Variants in SDK1 observed in about 807,000 individuals in gnomAD.
The protein encoded by SDK1 is sidekick cell adhesion molecule 1, also known as protein sidekick-1.
In SDK1, 157 loss-of-function variants were observed where a neutral mutation model predicts 245.5. The ratio of observed to expected loss-of-function variants is 0.64; its 90% CI spans 0.56 to 0.73. The LOEUF (loss-of-function observed/expected upper bound fraction) is 0.73, where lower values mean the gene tolerates loss of function less well. Ranked by LOEUF, SDK1 falls within the 30% of genes least tolerant of loss-of-function variation. SDK1 has a pLI of 0.00. For synonymous variants in SDK1, 1,647 were observed against 1,278.5 expected, an observed-to-expected ratio of 1.29 and a Z score of -6.15; for missense variants, 3,583 against 3,002.3, an observed-to-expected ratio of 1.19 and a Z score of -4.52.
At chr7:4,208,347 G>GCTCAGGTCCCCCT (rs1784345917) in intron 37 of SDK1, 62 bp downstream of exon 37, 2 of 1,490,954 alleles carry the variant, frequency 1.3e-6, no homozygotes, top group Admixed American at 3.7e-5. Flanking sequence ...GAGAGCGCCA[G>GCTCAGGTCCCCCT]CTCAGGTCCC....
intron 13 of SDK1, among the ~76,000 whole-genome samples, chr7:3,985,231 C>G (rs1783731292): frequency 6.6e-6 from 1 of 152,260 alleles, no homozygotes; most frequent in African/African-American, 2.4e-5. Context: ...GTCCCAGTCA[C>G]TCAGGAAACT....
chr7:4,199,781 G>A (rs965277493), intron 35 of SDK1, among the ~76,000 whole-genome samples: 2 of 152,076 alleles, frequency 1.3e-5, no homozygotes, highest in African/African-American at 2.4e-5. Context: ...ACATCCCTGT[G>A]CTCAGTCAGA....
Position 4,128,154 on chromosome 7 carries a change from C to T in SDK1, c.3939+658C>T, listed in dbSNP as rs555644569. ...CCATCTGCTCCTTGGCTCAGCAATG[C>T]CAAGCATCAGAATGAGCTGTTTCGG... is the stretch of plus-strand genomic sequence containing the variant. On this transcript the variant is annotated intron_variant, in intron 26 of 44. Transcript: ENST00000404826. Among the ~76,000 whole-genome samples, 87 of 152,320 alleles carry T rather than the reference C, an allele frequency of 5.7e-4. 2 individuals are homozygous for T. The Middle Eastern group carries it at 0.031, about 54-fold the overall frequency.
intron 30 of SDK1, among the ~76,000 whole-genome samples, chr7:4,155,842 G>C (rs543276690): frequency 2.0e-5 from 3 of 152,250 alleles, no homozygotes; most frequent in South Asian, 4.2e-4. Context: ...CTCGGTCCCT[G>C]TCCTTGTGGA....
chr7:4,174,765 G>T (rs114346397), intron 33 of SDK1, among the ~76,000 whole-genome samples: 16 of 152,264 alleles, frequency 1.1e-4, no homozygotes, highest in African/African-American at 3.4e-4. Context: ...GGAGCCCATG[G>T]TGCTCACCCC....
chr7:3,483,638 C>G (rs944260339), intron 1 of SDK1, among the ~76,000 whole-genome samples: 1 of 152,076 alleles, frequency 6.6e-6, no homozygotes, highest in African/African-American at 2.4e-5. Context: ...TTAATGGATG[C>G]TTCTAATATT....
At chr7:3,906,399 T>TGTGTGTGAGA (rs373402283) in intron 5 of SDK1, among the ~76,000 whole-genome samples, 52 of 150,024 alleles carry the variant, frequency 3.5e-4, no homozygotes, top group African/African-American at 9.3e-4. Context: ...TGTGTGTGTG[T>TGTGTGTGAGA]GAGAGAGAGA....
chr7:3,612,267 G>T (rs1217726367), intron 1 of SDK1, among the ~76,000 whole-genome samples: 1 of 152,100 alleles, frequency 6.6e-6, no homozygotes, highest in Non-Finnish European at 1.5e-5. Context: ...CCTATCATAG[G>T]ATCCTCTTAC....
At chr7:4,104,361 T>G (rs1385687860) in intron 22 of SDK1, among the ~76,000 whole-genome samples, 1 of 152,206 alleles carries the variant, frequency 6.6e-6, no homozygotes, top group Non-Finnish European at 1.5e-5. Context: ...GAACCTGGCC[T>G]AGAGCCTGCT....
chr7:3,518,790 A>G (rs1264004525), intron 1 of SDK1, among the ~76,000 whole-genome samples: 2 of 152,214 alleles, frequency 1.3e-5, no homozygotes, highest in Non-Finnish European at 2.9e-5. Flanking sequence ...CAATCCCACT[A>G]CTGGGCATTT....
intron 5 of SDK1, among the ~76,000 whole-genome samples, chr7:3,822,303 G>GA (rs1468987938): frequency 5.9e-5 from 9 of 152,228 alleles, no homozygotes; most frequent in Non-Finnish European, 1.2e-4. Flanking sequence ...GGTATGAAAT[G>GA]AAATTGTCAT....
intron 4 of SDK1, among the ~76,000 whole-genome samples, chr7:3,819,840 G>C (rs1205660047): frequency 6.6e-6 from 1 of 152,074 alleles, no homozygotes; most frequent in Non-Finnish European, 1.5e-5. Context: ...TTTTGAAAAA[G>C]CTCTGCAAAA....
chr7:3,957,835 G>C (rs78395992), intron 7 of SDK1, among the ~76,000 whole-genome samples: 4,079 of 152,310 alleles, frequency 0.027, 78 homozygotes, highest in Non-Finnish European at 0.043. Flanking sequence ...GAAAACTTAA[G>C]TAGAGGAATC....
chr7:3,864,946 A>T (rs993273262), intron 5 of SDK1, among the ~76,000 whole-genome samples: 1 of 152,210 alleles, frequency 6.6e-6, no homozygotes, highest in Non-Finnish European at 1.5e-5. Context: ...TCCATGTTTA[A>T]CAGACTGTCC....
chr7:3,311,734 C>A (rs1023141744), intron 1 of SDK1, among the ~76,000 whole-genome samples: 1 of 152,168 alleles, frequency 6.6e-6, no homozygotes, highest in African/African-American at 2.4e-5. Context: ...CACCACCCTG[C>A]TATAAACACA....
chr7:4,139,709 G>A lies in SDK1; in HGVS notation c.4229-6013G>A, dbSNP rs1375532730. Among the ~76,000 whole-genome samples the A allele has an allele frequency of 4.2e-3, 153 of 36,716 alleles. 18 individuals carry two copies. The highest frequency in any genetic ancestry group is 0.01 in the African/African-American group (137 of 13,672). The allele number at this position is 36,716 out of a possible 152,430, so 24.1% of individuals were successfully genotyped here. A position where few individuals can be genotyped will look rare whatever the true frequency, so the allele number is the denominator to read the frequency against. Reference sequence around the variant, plus strand: ...TGTGTGTATGTGTGTGTGTGTATGTGTGTGTGTGTGTATGTGTGTGTGTGT... The same window carrying A: ...TGTGTGTATGTGTGTGTGTGTATGTATGTGTGTGTGTATGTGTGTGTGTGT... On this transcript the variant is annotated intron_variant, in intron 28 of 44. Coordinates refer to ENST00000404826, the MANE Select transcript of SDK1 (RefSeq NM_152744.4).
At chr7:3,435,062 G>T (rs1451371453) in intron 1 of SDK1, among the ~76,000 whole-genome samples, 2 of 152,038 alleles carry the variant, frequency 1.3e-5, no homozygotes, top group Non-Finnish European at 2.9e-5. Flanking sequence ...ACCAAATTAT[G>T]TAATTCTTTT....
At chr7:3,749,987 A>G (rs941582541) in intron 4 of SDK1, among the ~76,000 whole-genome samples, 2 of 152,224 alleles carry the variant, frequency 1.3e-5, no homozygotes, top group African/African-American at 2.4e-5. Flanking sequence ...ACACTTTGTA[A>G]TACAAAGCTC....
chr7:3,487,010 T>C (rs1411568965), intron 1 of SDK1, among the ~76,000 whole-genome samples: 1 of 152,242 alleles, frequency 6.6e-6, no homozygotes, highest in Non-Finnish European at 1.5e-5. Flanking sequence ...TGGCAATTTT[T>C]TCTTGTAATG....
Sources: gnomAD v4.1 joint callset for allele counts (sites outside exome capture counted in the v4.1 genomes callset) on GRCh38, gnomAD v4.1.1 for gene constraint, MANE v1.5 for transcripts, NCBI Gene and HGNC (gene_info 2026-07-23, HGNC 2026-07-21) for gene names.